The following TECTA variants were observed in gnomAD, a reference collection of about 807,000 sequenced individuals.
TECTA encodes alpha-tectorin.
TECTA carries 128 observed loss-of-function variants against 216.8 expected under a neutral mutation model. The ratio of observed to expected loss-of-function variants is 0.59; its 90% confidence interval spans 0.51 to 0.68. The LOEUF (loss-of-function observed/expected upper bound fraction) is 0.68, where lower values mean the gene tolerates loss of function less well. Ranked by LOEUF, TECTA falls within the 30% of genes least tolerant of loss-of-function variation. The pLI is 0.00. For synonymous variants in TECTA, 1,089 were observed against 1,117.1 expected (o/e 0.97, Z 0.50); for missense variants, 2,551 against 2,786.2 (o/e 0.92, Z 1.90).
intron 10 of TECTA, 129 bp downstream of exon 10, chr11:121,130,340 C>T: frequency 3.8e-6 from 4 of 1,053,824 alleles, no homozygotes; most frequent in Non-Finnish European, 5.4e-6. Context: ...TGTATACCTA[C>T]CCTAGTCTGA....
In TECTA at chr11:121,189,373, CTCT is replaced by C. The variant is rs572560807; in HGVS notation, c.6250+208_6250+210del. ...TGGCATTGAGGTTTTCTTTGTCCTC[CTCT>C]TTTTTTTTTTTCTTTGAGACGGAGT... is the stretch of plus-strand genomic sequence containing the variant. On this transcript the variant is annotated intron_variant, in intron 22 of 23. Coordinates refer to ENST00000392793, the MANE Select transcript of TECTA (RefSeq NM_005422.4). Among the ~76,000 whole-genome samples, 38 of 126,106 alleles carry C rather than the reference CTCT, an allele frequency of 3.0e-4. 1 individual carries two copies. In the East Asian group the frequency reaches 8.1e-3, roughly 27 times the overall value. The allele number at this position is 126,106 out of a possible 152,430, so 82.7% of individuals were successfully genotyped here. A position where few individuals can be genotyped will look rare whatever the true frequency, so the allele number is the denominator to read the frequency against.
intron 16 of TECTA, among the ~76,000 whole-genome samples, chr11:121,163,631 A>G (rs1005544358): frequency 1.3e-5 from 2 of 152,256 alleles, no homozygotes; most frequent in African/African-American, 4.8e-5. Flanking sequence ...AATACTTTCA[A>G]TGACTTTAAA....
rs1396604533 is a variant in TECTA at position 121,165,440 on chromosome 11, G to A, written c.5383+57G>A. ...AAGGCCCCATGGGAGATGCTGCTCTGGGGAACGACCTTGATGCATCCCACT... is the reference window on the plus strand; with the variant it reads ...AAGGCCCCATGGGAGATGCTGCTCTAGGGAACGACCTTGATGCATCCCACT... On this transcript the variant is annotated intron_variant, in intron 17 of 23. Coordinates refer to ENST00000392793, the MANE Select transcript of TECTA (RefSeq NM_005422.4). The A allele has an allele frequency of 4.1e-6, 6 of 1,446,306 alleles. No homozygotes were observed. In the African/African-American group the frequency reaches 8.5e-5, roughly 20 times the overall value. 89.6% of individuals were successfully genotyped at this position (1,446,306 alleles called of 1,614,324 possible). A position where few individuals can be genotyped will look rare whatever the true frequency, so the allele number is the denominator to read the frequency against.
chr11:121,149,951 C>T (rs1946874231), intron 12 of TECTA, among the ~76,000 whole-genome samples: 1 of 152,170 alleles, frequency 6.6e-6, no homozygotes, highest in South Asian at 2.1e-4. Flanking sequence ...ATGGAAGAAT[C>T]AGAGTGTGAA....
At position 121,113,168 on chromosome 11, in the gene TECTA, G is replaced by T; in HGVS notation, c.583G>T (p.Gly195Cys). ...EINWTTGTAS[G>C]GDPLTGLGGV... ...CAACTGGACCACGGGGACGGCGAGT[G>T]GCGGCGACCCCCTGACAGGTCTTGG... The change falls in exon 5 of 24, where the codon GGC becomes TGC. Residue 195 changes from glycine to cysteine, a missense_variant. By Grantham distance (159) the Gly-to-Cys change is radical. This residue lies in a region of TECTA where 2,375 missense variants were observed against 2,563.9 expected (regional missense o/e 0.93). Transcript: ENST00000392793. The surrounding 1 kb of genome is among the most constrained non-coding windows in gnomAD (Gnocchi z 4.2). 6.2e-7 allele frequency: 1 copy of T among 1,613,798 alleles called. No individual in the cohort carries two copies. The highest frequency in any genetic ancestry group is 8.5e-7 in the Non-Finnish European group (1 of 1,179,934).
At position 121,118,615 on chromosome 11, in the gene TECTA, A is replaced by G; in HGVS notation, c.1100A>G (p.Asn367Ser). The change falls in exon 7 of 24, where the codon AAT becomes AGT. Residue 367 changes from asparagine to serine, a missense_variant. Physicochemically the swap from Asn to Ser is conservative, Grantham distance 46. Transcript: ENST00000392793. ...SLPFFSVEAK[N>S]EHRRGSAVSW... is the part of the protein sequence containing the mutation. ...CCTTTCTTCAGTGTGGAGGCCAAGA[A>G]TGAACACCGCAGAGGTTCAGCCGTC... 1 of 1,614,134 alleles carries G rather than the reference A, an allele frequency of 6.2e-7. No homozygotes were observed. Among genetic ancestry groups the G allele is most frequent in the Non-Finnish European group, 8.5e-7 (1 of 1,180,030 alleles).
chr11:121,102,805 C>A (rs1379166932), intron 2 of TECTA, 76 bp downstream of exon 2: 1 of 1,314,858 alleles, frequency 7.6e-7, no homozygotes, highest in Non-Finnish European at 1.1e-6. Flanking sequence ...TTATTGGAAC[C>A]ACAATTGTAA....
At chr11:121,123,160 G>A (rs965127213) in intron 7 of TECTA, among the ~76,000 whole-genome samples, 2 of 152,202 alleles carry the variant, frequency 1.3e-5, no homozygotes, top group African/African-American at 2.4e-5. Context: ...ACCCTGGAAA[G>A]TTTATGTGCA....
Position 121,109,277 on chromosome 11 carries a change from CT to C in TECTA, c.266del (p.Leu89ArgfsTer34). 1 of 1,614,156 alleles carries C rather than the reference CT, an allele frequency of 6.2e-7. No homozygotes were observed. Among genetic ancestry groups the C allele is most frequent in the Non-Finnish European group, 8.5e-7 (1 of 1,180,012 alleles). On this transcript the variant is annotated frameshift_variant, in exon 4 of 24. Coordinates refer to ENST00000392793, the MANE Select transcript of TECTA (RefSeq NM_005422.4). LOFTEE classifies it high-confidence loss of function. The stretch of plus-strand genomic sequence containing the variant: ...CCAGTTCACGCCAGAATCCTTTCCC[CT>C]GACAGATGGGAGAGCCTTCGTCGCC... ...VSQFTPESFPLTDGRAFVAPF... is the reference protein window; with the variant it reads ...VSQFTPESFPXTDGRAFVAPF...
intron 11 of TECTA, 135 bp downstream of exon 11, chr11:121,138,157 C>T (rs1410743452): frequency 7.8e-7 from 1 of 1,278,130 alleles, no homozygotes; most frequent in Non-Finnish European, 1.1e-6. Context: ...GAGAGAGGCC[C>T]TAGAGATTTT....
chr11:121,189,530 C>G (rs181163743), intron 22 of TECTA, among the ~76,000 whole-genome samples: 1 of 152,084 alleles, frequency 6.6e-6, no homozygotes, highest in African/African-American at 2.4e-5. Context: ...CCCGCCCCCA[C>G]GCCCGGCTAA....
chr11:121,143,632 G>A (rs1408123208), intron 11 of TECTA, among the ~76,000 whole-genome samples: 1 of 152,244 alleles, frequency 6.6e-6, no homozygotes, highest in Non-Finnish European at 1.5e-5. Context: ...TTAGCACAGT[G>A]CCTGGCACTC....
chr11:121,167,455 A>ACAAAAC (rs1051621317), intron 18 of TECTA, among the ~76,000 whole-genome samples: 1 of 152,174 alleles, frequency 6.6e-6, no homozygotes, highest in African/African-American at 2.4e-5. Flanking sequence ...ACAAAACAAA[A>ACAAAAC]AAACAGCTGG....
At chr11:121,146,178 CCAGT>C in intron 12 of TECTA, 62 bp downstream of exon 12, 1 of 1,582,266 alleles carries the variant, frequency 6.3e-7, no homozygotes, top group Non-Finnish European at 8.6e-7. Flanking sequence ...TCTGGGAAGG[CCAGT>C]CTTCCAACTC....
chr11:121,121,874 C>T (rs1397872375), intron 7 of TECTA, among the ~76,000 whole-genome samples: 1 of 152,170 alleles, frequency 6.6e-6, no homozygotes, highest in Admixed American at 6.5e-5. Context: ...ATTTCCCCTT[C>T]CACTTACCAG....
intron 4 of TECTA, among the ~76,000 whole-genome samples, chr11:121,111,787 T>C (rs1946444192): frequency 6.6e-6 from 1 of 152,236 alleles, no homozygotes; most frequent in Non-Finnish European, 1.5e-5. Flanking sequence ...CTCATCTCTG[T>C]GTCCCACTGT....
chr11:121,146,186 C>A, intron 12 of TECTA, 70 bp downstream of exon 12: 1 of 1,571,608 alleles, frequency 6.4e-7, no homozygotes, highest in Non-Finnish European at 8.6e-7. Flanking sequence ...GGCCAGTCTT[C>A]CAACTCCCTA....
At position 121,105,853 on chromosome 11, in the gene TECTA, T is replaced by C; in HGVS notation, c.87T>C (p.Tyr29=). 1 of 1,614,144 alleles carries C rather than the reference T, an allele frequency of 6.2e-7. No individual in the cohort carries two copies. The highest frequency in any genetic ancestry group is 8.5e-7 in the Non-Finnish European group (1 of 1,180,020). ...CAGCTCAGCCCAGGGAGCTCATGTA[T>C]CCATTTTGGCAGAATGACACCAAAA... The part of the protein sequence containing the change: ...QHQAQPRELM[Y]PFWQNDTKTP... Residue 29 remains tyrosine (Y), a synonymous_variant, in exon 3 of 24, where the codon TAT becomes TAC. Coordinates refer to ENST00000392793, the MANE Select transcript of TECTA (RefSeq NM_005422.4). The surrounding 1 kb of genome is among the most constrained non-coding windows in gnomAD (Gnocchi z 5.3).
At position 121,109,394 on chromosome 11, in the gene TECTA, G is replaced by A; in HGVS notation, c.382G>A (p.Asp128Asn). Residue 128 changes from aspartate (D) to asparagine (N), a missense_variant, in exon 4 of 24, where the codon GAC (aspartate) becomes AAC (asparagine). Physicochemically the swap from Asp to Asn is conservative, Grantham distance 23. Around this residue, in one of 3 missense-constraint regions of TECTA, gnomAD observed 2,375 missense variants for 2,563.9 expected, o/e 0.93. Transcript: ENST00000392793. Reference sequence around the variant, plus strand: ...TGCCATCTTGAAAAGAGCCACCAAGGACATCAGGAAGTACTTCAAAGACAT... The same window carrying A: ...TGCCATCTTGAAAAGAGCCACCAAGAACATCAGGAAGTACTTCAAAGACAT... The part of the protein sequence containing the change: ...EPAILKRATK[D>N]IRKYFKDMAT... 1.2e-6 allele frequency: 2 copies of A among 1,614,154 alleles called. No homozygotes were observed. The highest frequency in any genetic ancestry group is 2.2e-5 in the East Asian group (1 of 44,882).
Sources: gnomAD v4.1 joint callset for allele counts (sites outside exome capture counted in the v4.1 genomes callset) on GRCh38, gnomAD v4.1.1 for gene constraint, gnomAD v4.1.1 regional missense constraint, Gnocchi (gnomAD v3.1) non-coding constraint, MANE v1.5 for transcripts, NCBI Gene and HGNC (gene_info 2026-07-23, HGNC 2026-07-21) for gene names.